Variants in GSG1L observed in about 807,000 individuals in gnomAD.
The protein encoded by GSG1L is GSG1 like, also known as germ cell-specific gene 1-like protein.
A neutral mutation model predicts 42.1 loss-of-function variants in GSG1L; 24 were observed. The ratio of observed to expected loss-of-function variants is 0.57; its 90% confidence interval spans 0.41 to 0.80. The LOEUF is 0.80. Among genes scored for constraint, GSG1L ranks in the 30% least tolerant of loss-of-function variants. The pLI is 0.00. For missense variants in GSG1L, 445 were observed against 472.2 expected (o/e 0.94, Z 0.53); for synonymous variants, 215 against 203.5 (o/e 1.06, Z -0.48).
intron 5 of GSG1L, among the ~76,000 whole-genome samples, chr16:27,825,624 G>A (rs2083200196): frequency 6.6e-6 from 1 of 152,184 alleles, no homozygotes; most frequent in Admixed American, 6.5e-5. Context: ...TTGTGTCACT[G>A]TACTCAGTCT....
chr16:27,979,795 AG>A (rs1260209513), intron 1 of GSG1L, among the ~76,000 whole-genome samples: 4 of 138,008 alleles, frequency 2.9e-5, no homozygotes, highest in Admixed American at 7.5e-5. Flanking sequence ...AAAGAAAGAA[AG>A]GAAAGAAAGA....
chr16:27,911,266 G>GCTCGCTCTCTCTCTCTCTCT lies in GSG1L; in HGVS notation c.398-26629_398-26628insAGAGAGAGAGAGAGAGCGAG, dbSNP rs568864667. 9.3e-4 allele frequency among the ~76,000 whole-genome samples: 114 copies of GCTCGCTCTCTCTCTCTCTCT among 122,124 alleles called. 1 individual carries two copies. The highest frequency in any genetic ancestry group is 3.8e-3 in the African/African-American group (108 of 28,608). 80.1% of individuals were successfully genotyped at this position (122,124 alleles called of 152,430 possible). ...TCTCTAGCCTCATCACCTCTCTCTC[G>GCTCGCTCTCTCTCTCTCTCT]CTCTCTCTCTCTCTCTCTCTCTCTC... On this transcript the variant is annotated intron_variant, in intron 2 of 6. Coordinates refer to ENST00000447459, the MANE Select transcript of GSG1L (RefSeq NM_001109763.2).
At chr16:27,836,490 G>A (rs564793532) in intron 4 of GSG1L, among the ~76,000 whole-genome samples, 33 of 152,070 alleles carry the variant, frequency 2.2e-4, no homozygotes, top group African/African-American at 6.7e-4. Flanking sequence ...GGACTCCAGT[G>A]TTATATTTTT....
At position 28,058,088 on chromosome 16, in the gene GSG1L, C is replaced by T. The variant is rs183289547; in HGVS notation, c.349+4988G>A. Among the ~76,000 whole-genome samples, 278 of 152,332 alleles carry T rather than the reference C, an allele frequency of 1.8e-3. 1 individual carries two copies. The Middle Eastern group carries it at 0.024, about 13-fold the overall frequency. On this transcript the variant is annotated intron_variant, in intron 1 of 6. Coordinates refer to ENST00000447459, the MANE Select transcript of GSG1L (RefSeq NM_001109763.2). ...ACTCCAGATGCAGTGCTCCGCCCAA[C>T]GAGCCTGGTTGGAGGAACAAAGGGA...
intron 1 of GSG1L, among the ~76,000 whole-genome samples, chr16:27,997,083 C>G (rs2085522548): frequency 6.6e-6 from 1 of 152,038 alleles, no homozygotes; most frequent in Non-Finnish European, 1.5e-5. Flanking sequence ...TTCTATAGGT[C>G]AGGAGTCCAC....
chr16:28,052,280 T>C (rs1241458346), intron 1 of GSG1L, among the ~76,000 whole-genome samples: 1 of 151,870 alleles, frequency 6.6e-6, no homozygotes, highest in African/African-American at 2.4e-5. Flanking sequence ...TTCTACTTTC[T>C]TTTTTTTATT....
At chr16:27,994,290 G>A (rs1032147253) in intron 1 of GSG1L, among the ~76,000 whole-genome samples, 1 of 151,786 alleles carries the variant, frequency 6.6e-6, no homozygotes, top group Non-Finnish European at 1.5e-5. Flanking sequence ...TGTTTTCTCA[G>A]GTCCCTTGGG....
chr16:27,911,773 C>T (rs995045991), intron 2 of GSG1L, among the ~76,000 whole-genome samples: 1 of 152,168 alleles, frequency 6.6e-6, no homozygotes, highest in Non-Finnish European at 1.5e-5. Flanking sequence ...GCTCCCCCAA[C>T]TGTAATGTAA....
chr16:27,958,976 C>T (rs1274161649), intron 2 of GSG1L, among the ~76,000 whole-genome samples: 3 of 151,918 alleles, frequency 2.0e-5, no homozygotes, highest in Non-Finnish European at 4.4e-5. Flanking sequence ...CACCCGGCCA[C>T]GGTTGTTAAA....
intron 2 of GSG1L, among the ~76,000 whole-genome samples, chr16:27,947,599 A>AAGAAAGAG (rs1401836017): frequency 0.027 from 2,282 of 86,062 alleles, 92 homozygotes; most frequent in Middle Eastern, 0.06. Context: ...GAAAGAAAGA[A>AAGAAAGAG]AAAGAAAGAA....
intron 1 of GSG1L, among the ~76,000 whole-genome samples, chr16:27,979,716 AAGGAAG>A (rs2085299382): frequency 1.4e-5 from 1 of 71,792 alleles, no homozygotes; most frequent in Non-Finnish European, 3.1e-5. Context: ...GGAAGGAAGG[AAGGAAG>A]GAAGGAAAGA....
chr16:27,897,062 C>T (rs933635061), intron 2 of GSG1L, among the ~76,000 whole-genome samples: 5 of 152,164 alleles, frequency 3.3e-5, no homozygotes, highest in African/African-American at 9.7e-5. Context: ...CAGTGTTTCA[C>T]CATTTTGGCC....
chr16:27,792,089 G>T (rs902248615), intron 6 of GSG1L, among the ~76,000 whole-genome samples: 1 of 151,288 alleles, frequency 6.6e-6, no homozygotes, highest in Non-Finnish European at 1.5e-5. Context: ...ACCTACTTGT[G>T]CAGCCATCAT....
chr16:28,048,688 A>G (rs912522527), intron 1 of GSG1L, among the ~76,000 whole-genome samples: 2 of 152,258 alleles, frequency 1.3e-5, no homozygotes, highest in Non-Finnish European at 2.9e-5. Context: ...TCTGAAAGAA[A>G]GCACCACATT....
At chr16:27,851,306 C>A (rs2083512139) in intron 3 of GSG1L, among the ~76,000 whole-genome samples, 1 of 152,200 alleles carries the variant, frequency 6.6e-6, no homozygotes, top group Non-Finnish European at 1.5e-5. Context: ...AAATGATCCT[C>A]CTGCCTCAGC....
chr16:27,973,708 G>T (rs1175668108), intron 1 of GSG1L, among the ~76,000 whole-genome samples: 1 of 152,116 alleles, frequency 6.6e-6, no homozygotes, highest in Non-Finnish European at 1.5e-5. Context: ...ACATCAATAT[G>T]AACCTTTTGG....
In GSG1L at chr16:27,981,494, C is replaced by T. The variant is rs76819029; in HGVS notation, c.350-18291G>A. The stretch of plus-strand genomic sequence containing the variant: ...TCACTATCTGGGCTGGCGGCAGAGC[C>T]TTGGCAAGCACTTCCTTGGATTCTC... On this transcript the variant is annotated intron_variant, in intron 1 of 6. Transcript: ENST00000447459. 5.2e-3 allele frequency among the ~76,000 whole-genome samples: 795 copies of T among 152,306 alleles called. 4 individuals carry two copies. The highest frequency in any genetic ancestry group is 0.018 in the African/African-American group (758 of 41,566).
In GSG1L at chr16:27,932,390, G is replaced by A. The variant is rs529879717; in HGVS notation, c.397+30766C>T. Among the ~76,000 whole-genome samples the A allele has an allele frequency of 2.4e-4, 37 of 152,246 alleles. No homozygotes were observed. In the East Asian group the frequency reaches 6.6e-3, roughly 27 times the overall value. On this transcript the variant is annotated intron_variant, in intron 2 of 6. Transcript: ENST00000447459. ...TCATTGGCTCACTGTTCTGCAGGCTGTACAGAAAGCATGATGCTGACATCT... is the reference window on the plus strand; with the variant it reads ...TCATTGGCTCACTGTTCTGCAGGCTATACAGAAAGCATGATGCTGACATCT...
chr16:28,063,220 CGGCG>C lies in GSG1L; in HGVS notation c.201_204del (p.Ala68ProfsTer124). ...GAGGCGGTGGCGGCGGCGGCGGCGG[CGGCG>C]GGGGCGGCGGTGCCGTTGGCCGTGG... On this transcript the variant is annotated frameshift_variant, in exon 1 of 7. Coordinates refer to ENST00000447459, the MANE Select transcript of GSG1L (RefSeq NM_001109763.2). LOFTEE classifies it high-confidence loss of function. The surrounding 1 kb of genome is among the most constrained non-coding windows in gnomAD (Gnocchi z 5.8). 8.0e-7 allele frequency: 1 copy of C among 1,249,182 alleles called. No homozygotes were observed. Among genetic ancestry groups the C allele is most frequent in the Non-Finnish European group, 1.0e-6 (1 of 1,002,052 alleles). The allele number at this position is 1,249,182 out of a possible 1,614,324, so 77.4% of individuals were successfully genotyped here.
Sources: allele counts gnomAD v4.1 joint callset (sites outside exome capture counted in the v4.1 genomes callset), GRCh38; gene constraint gnomAD v4.1.1; non-coding constraint Gnocchi (gnomAD v3.1); transcripts MANE v1.5; gene names NCBI Gene and HGNC (gene_info 2026-07-23, HGNC 2026-07-21).